The following TATDN1 variants were observed in gnomAD, a reference collection of about 807,000 sequenced individuals.
The protein encoded by TATDN1 is deoxyribonuclease TATDN1.
Under a neutral mutation model 46.4 loss-of-function variants are expected in TATDN1, and 40 were observed. The ratio of observed to expected loss-of-function variants is 0.86; its 90% CI spans 0.67 to 1.12. TATDN1 has a LOEUF of 1.12. Ranked by LOEUF, TATDN1 falls within the 50% of genes most tolerant of loss-of-function variation. The probability of loss-of-function intolerance (pLI) is 0.00; values close to 1 mark genes in which losing one functional copy is unlikely to be tolerated. For missense variants in TATDN1, 326 were observed against 348.4 expected, an observed-to-expected ratio of 0.94 and a Z score of 0.51; for synonymous variants, 95 against 105.6, an observed-to-expected ratio of 0.90 and a Z score of 0.62.
chr8:124,490,088 AATGTCCCTCTGTATG>A (rs1356731717), intron 11 of TATDN1: 8 of 152,226 alleles, frequency 5.3e-5, no homozygotes, highest in African/African-American at 1.9e-4. Context: ...GAAACTACTG[AATGTCCCTCTGTATG>A]CACTTCTCAG....
intron 4 of TATDN1, among the ~76,000 whole-genome samples, chr8:124,518,513 G>GAC (rs1259870241): frequency 1.4e-5 from 2 of 142,090 alleles, no homozygotes; most frequent in African/African-American, 5.5e-5. Flanking sequence ...AACAGAGTGA[G>GAC]ACTCCGTCTC....
intron 10 of TATDN1, 181 bp from the exon 11 acceptor site, chr8:124,494,140 A>G: frequency 1.9e-6 from 1 of 515,802 alleles, no homozygotes; most frequent in Non-Finnish European, 3.2e-6. Context: ...TGCATCTTAA[A>G]TACCTTCTAA....
chr8:124,504,403 A>C, intron 8 of TATDN1, 56 bp from the exon 9 acceptor site: 1 of 1,284,906 alleles, frequency 7.8e-7, no homozygotes, highest in Non-Finnish European at 1.1e-6. Flanking sequence ...TAAAATTCTA[A>C]GTGACATTAA....
At chr8:124,522,285 GAA>G in intron 2 of TATDN1, 85 bp from the exon 3 acceptor site, 1 of 787,508 alleles carries the variant, frequency 1.3e-6, no homozygotes, top group South Asian at 1.5e-5. Context: ...ATGGCTATTT[GAA>G]GTTTTATATT....
chr8:124,512,260 T>C (rs181027161), intron 6 of TATDN1, among the ~76,000 whole-genome samples: 277 of 152,192 alleles, frequency 1.8e-3, no homozygotes, highest in African/African-American at 6.3e-3. Flanking sequence ...CTGTCTCTAC[T>C]AAAAATACAA....
In TATDN1 at chr8:124,507,556, C is replaced by T. The variant is rs568315589; in HGVS notation, c.516+918G>A. Among the ~76,000 whole-genome samples, 132 of 152,046 alleles carry T rather than the reference C, an allele frequency of 8.7e-4. 2 individuals carry two copies. The highest frequency in any genetic ancestry group is 1.1e-3 in the Non-Finnish European group (72 of 67,992). On this transcript the variant is annotated intron_variant, in intron 8 of 11. Transcript: ENST00000276692. ...CAACACTTTGGGAAGCCAGGGTGGG[C>T]AGATTGCTTGAGTTTAGGAGTTCGA...
intron 11 of TATDN1, among the ~76,000 whole-genome samples, chr8:124,492,060 C>T (rs1308182468): frequency 1.3e-5 from 2 of 151,798 alleles, no homozygotes; most frequent in East Asian, 1.9e-4. Context: ...CTGCAACCTC[C>T]GCCTCCCAGG....
intron 1 of TATDN1, among the ~76,000 whole-genome samples, chr8:124,532,535 C>T (rs1004131035): frequency 1.3e-5 from 2 of 152,210 alleles, no homozygotes; most frequent in African/African-American, 2.4e-5. Flanking sequence ...CCACCTGCCT[C>T]GGCTTCCCAA....
rs143199079 is a variant in TATDN1 at position 124,527,278 on chromosome 8, C to T, written c.23-4276G>A. Among the ~76,000 whole-genome samples the T allele has an allele frequency of 4.2e-3, 642 of 152,302 alleles. 1 individual carries two copies. The highest frequency in any genetic ancestry group is 6.8e-3 in the Middle Eastern group (2 of 294). ...TGTTCACTTTGGGGTGGAGACTTAA[C>T]ATTAAAATGCAGTAAAATTAAGCTT... On this transcript the variant is annotated intron_variant, in intron 1 of 11. Coordinates refer to ENST00000276692, the MANE Select transcript of TATDN1 (RefSeq NM_032026.4).
chr8:124,523,034 T>G (rs554560149), intron 1 of TATDN1, 32 bp from the exon 2 acceptor site: 27 of 1,581,586 alleles, frequency 1.7e-5, no homozygotes, highest in Middle Eastern at 1.9e-4. Flanking sequence ...GATTAATTAT[T>G]GAGTCTCTAC....
At chr8:124,521,568 G>GGAGGTAGCAGCTACCAAGTGTC (rs1820050371) in intron 3 of TATDN1, 2 of 152,148 alleles carry the variant, frequency 1.3e-5, no homozygotes, top group Non-Finnish European at 2.9e-5. Context: ...TATTCATCTT[G>GGAGGTAGCAGCTACCAAGTGTC]GAGGTAGCAG....
At chr8:124,514,112 G>A (rs1586625705) in intron 6 of TATDN1, among the ~76,000 whole-genome samples, 1 of 152,258 alleles carries the variant, frequency 6.6e-6, no homozygotes, top group Admixed American at 6.5e-5. Flanking sequence ...AGAGCATTAC[G>A]TTAACCCATC....
chr8:124,538,996 C>T, intron 1 of TATDN1, 29 bp downstream of exon 1: 1 of 1,614,032 alleles, frequency 6.2e-7, no homozygotes, highest in Non-Finnish European at 8.5e-7. Flanking sequence ...GTCAGAAAGA[C>T]CCAAGGGCGT....
chr8:124,529,598 G>A (rs1382932922), intron 1 of TATDN1, among the ~76,000 whole-genome samples: 1 of 152,206 alleles, frequency 6.6e-6, no homozygotes, highest in Non-Finnish European at 1.5e-5. Flanking sequence ...ATACTCCTGA[G>A]GATGTCTTAA....
At position 124,493,925 on chromosome 8, in the gene TATDN1, A is replaced by T; in HGVS notation, c.699T>A (p.Ala233=). 1 of 1,612,892 alleles carries T rather than the reference A, an allele frequency of 6.2e-7. No individual in the cohort carries two copies. Among genetic ancestry groups the T allele is most frequent in the Non-Finnish European group, 8.5e-7 (1 of 1,179,840 alleles). Residue 233 remains alanine (A), a synonymous_variant, in exon 11 of 12, where the codon GCT becomes GCA. Coordinates refer to ENST00000276692, the MANE Select transcript of TATDN1 (RefSeq NM_032026.4). ...ATGCAGTTCTTATATATTTTGATCC[A>T]GCATGTGTACTTTTGACTCCACACC... ...APWCGVKSTH[A]GSKYIRTAFP...
intron 1 of TATDN1, 93 bp from the exon 2 acceptor site, chr8:124,523,095 C>T: frequency 9.5e-7 from 1 of 1,050,266 alleles, no homozygotes; most frequent in Non-Finnish European, 1.4e-6. Flanking sequence ...TTTTTGTTCA[C>T]ACACTCATCT....
chr8:124,532,178 T>G (rs998556970), intron 1 of TATDN1, among the ~76,000 whole-genome samples: 36 of 152,244 alleles, frequency 2.4e-4, no homozygotes, highest in African/African-American at 8.7e-4. Context: ...ATCCACTAGG[T>G]GGTTGCCTTC....
intron 1 of TATDN1, among the ~76,000 whole-genome samples, chr8:124,534,474 T>A (rs1276970289): frequency 6.6e-6 from 1 of 152,152 alleles, no homozygotes; most frequent in Non-Finnish European, 1.5e-5. Flanking sequence ...CACAATACTC[T>A]GAATTTTTTG....
chr8:124,507,252 G>A (rs1818540315), intron 8 of TATDN1, among the ~76,000 whole-genome samples: 1 of 151,412 alleles, frequency 6.6e-6, no homozygotes, highest in Non-Finnish European at 1.5e-5. Flanking sequence ...GACTAAAATG[G>A]CTATATCAGA....
Sources: gnomAD v4.1 joint callset for allele counts (sites outside exome capture counted in the v4.1 genomes callset) on GRCh38, gnomAD v4.1.1 for gene constraint, MANE v1.5 for transcripts, NCBI Gene and HGNC (gene_info 2026-07-23, HGNC 2026-07-21) for gene names.